ANKS3: variants seen among roughly 807,000 people sequenced by gnomAD.
ANKS3 encodes the protein ankyrin repeat and SAM domain-containing protein 3.
In ANKS3, 62 loss-of-function variants were observed where a neutral mutation model predicts 80.7. The ratio of observed to expected loss-of-function variants is 0.77; its 90% CI spans 0.63 to 0.95. The LOEUF (loss-of-function observed/expected upper bound fraction) is 0.95. ANKS3 is among the 40% of genes least tolerant of loss of function. ANKS3 has a pLI of 0.00. For synonymous variants in ANKS3, 489 were observed against 355.3 expected (o/e 1.38, Z -4.23); for missense variants, 1,150 against 883.6 (o/e 1.30, Z -3.82).
intron 8 of ANKS3, among the ~76,000 whole-genome samples, chr16:4,704,866 G>C (rs1297010553): frequency 6.6e-6 from 1 of 152,168 alleles, no homozygotes; most frequent in African/African-American, 2.4e-5. Context: ...CAACGAAAAG[G>C]AAACTCCAGG....
At chr16:4,696,936 TG>T in intron 17 of ANKS3, 40 bp from the exon 18 acceptor site, 1 of 1,287,388 alleles carries the variant, frequency 7.8e-7, no homozygotes, top group South Asian at 1.2e-5. Context: ...GGGGGACAGG[TG>T]GGTGCATACC....
chr16:4,730,385 G>C (rs2142170431), intron 2 of ANKS3: 2 of 376,304 alleles, frequency 5.3e-6, no homozygotes, highest in South Asian at 1.2e-4. Flanking sequence ...AGCACATATG[G>C]TGAGGCATTA....
chr16:4,701,445 C>G lies in ANKS3; in HGVS notation c.1108G>C (p.Glu370Gln). The G allele has an allele frequency of 6.2e-7, 1 of 1,606,368 alleles. No homozygotes were observed. The highest frequency in any genetic ancestry group is 8.5e-7 in the Non-Finnish European group (1 of 1,175,334). Residue 370 changes from glutamate to glutamine, a missense_variant, in exon 10 of 18, where the codon GAG becomes CAG. By Grantham distance (29) the Glu-to-Gln change is conservative. Transcript: ENST00000304283. ...GAAAGAATCCGTACCTCGTTGCTCT[C>G]CACAGAAGCTTCGCTGCTGAGCCCC... ...AQGLSSEASV[E>Q]SNEDSDHACK...
In ANKS3 at chr16:4,698,014, AG is replaced by A. The variant is rs764190334; in HGVS notation, c.1772del (p.Pro591LeufsTer8). Reference sequence around the variant, plus strand: ...CGGCTAGGCCCAGAGTGGCTGCACCAGGGGGCTGGTCCTGCCTCACTCGAGA... The same window carrying A: ...CGGCTAGGCCCAGAGTGGCTGCACCAGGGGCTGGTCCTGCCTCACTCGAGA... ...LSSRVRQDQP[P>X]GAATLGLAVP... On this transcript the variant is annotated frameshift_variant, in exon 15 of 18. Coordinates refer to ENST00000304283, the MANE Select transcript of ANKS3 (RefSeq NM_133450.4). LOFTEE classifies it high-confidence loss of function. 2.5e-6 allele frequency: 4 copies of A among 1,607,246 alleles called. No homozygotes were observed. The highest frequency in any genetic ancestry group is 1.7e-5 in the Admixed American group (1 of 59,262).
chr16:4,710,963 A>G (rs1015482210), intron 7 of ANKS3, among the ~76,000 whole-genome samples: 1 of 149,742 alleles, frequency 6.7e-6, no homozygotes, highest in African/African-American at 2.5e-5. Context: ...TTATTTTTGT[A>G]TTTTTAGTGG....
chr16:4,697,154 G>A (rs1181277626), intron 16 of ANKS3, 50 bp from the exon 17 acceptor site: 1 of 1,595,190 alleles, frequency 6.3e-7, no homozygotes, highest in Non-Finnish European at 8.6e-7. Context: ...AGGAGGGCTG[G>A]GTGGTGCTGC....
chr16:4,721,781 G>A (rs1195197984), intron 6 of ANKS3, among the ~76,000 whole-genome samples: 3 of 151,148 alleles, frequency 2.0e-5, no homozygotes, highest in African/African-American at 7.2e-5. Flanking sequence ...TGGGATTACA[G>A]CGTCAGCCAC....
At chr16:4,727,198 C>G (rs1238470078) in intron 3 of ANKS3, 21 bp from the exon 4 acceptor site, 2 of 1,611,682 alleles carry the variant, frequency 1.2e-6, no homozygotes, top group Non-Finnish European at 1.7e-6. Context: ...GCAAGATATG[C>G]TAGACATGGC....
intron 4 of ANKS3, 54 bp from the exon 5 acceptor site, chr16:4,726,834 G>A: frequency 6.2e-7 from 1 of 1,600,828 alleles, no homozygotes; most frequent in Non-Finnish European, 8.5e-7. Flanking sequence ...GCGTGGGGCG[G>A]GCGCCCTCCA....
intron 8 of ANKS3, among the ~76,000 whole-genome samples, chr16:4,702,859 C>G (rs990265950): frequency 2.6e-5 from 4 of 152,082 alleles, no homozygotes; most frequent in African/African-American, 9.7e-5. Flanking sequence ...CTGACTTGAC[C>G]AGTCACGGTG....
chr16:4,734,031 G>T lies in ANKS3; in HGVS notation c.-164C>A. 1.0e-6 allele frequency: 1 copy of T among 984,730 alleles called. No homozygotes were observed. Among genetic ancestry groups the T allele is most frequent in the Non-Finnish European group, 1.2e-6 (1 of 829,256 alleles). The allele number at this position is 984,730 out of a possible 1,614,324, so 61.0% of individuals were successfully genotyped here. On this transcript the variant is annotated 5_prime_UTR_variant, in exon 1 of 18. Coordinates refer to ENST00000304283, the MANE Select transcript of ANKS3 (RefSeq NM_133450.4). Reference sequence around the variant, plus strand: ...TGTGCCCCCACCACAACCACATAAAGAAAATGTGGGGGCTCGGTCCTCCAG... The same window carrying T: ...TGTGCCCCCACCACAACCACATAAATAAAATGTGGGGGCTCGGTCCTCCAG...
intron 7 of ANKS3, among the ~76,000 whole-genome samples, chr16:4,706,340 C>A (rs554259645): frequency 6.2e-4 from 94 of 152,260 alleles, no homozygotes; most frequent in African/African-American, 2.2e-3. Flanking sequence ...ACGCCACTCT[C>A]CTGCCTCAGG....
At chr16:4,720,410 C>T (rs570438953) in intron 6 of ANKS3, among the ~76,000 whole-genome samples, 21 of 148,740 alleles carry the variant, frequency 1.4e-4, no homozygotes, top group African/African-American at 4.7e-4. Flanking sequence ...TGCAGTGAGC[C>T]GAGATCGCGC....
At chr16:4,730,220 C>A (rs1323314034) in intron 2 of ANKS3, 69 bp from the exon 3 acceptor site, 28 of 1,374,100 alleles carry the variant, frequency 2.0e-5, no homozygotes, top group Admixed American at 2.8e-5. Context: ...CAGGCTGGTC[C>A]TGCCCCTGCT....
intron 7 of ANKS3, among the ~76,000 whole-genome samples, chr16:4,706,029 T>C (rs1209314238): frequency 2.6e-5 from 4 of 151,470 alleles, no homozygotes; most frequent in Admixed American, 2.0e-4. Context: ...TCCCGAGTAG[T>C]TGGGAATTAT....
rs1166140857 is a variant in ANKS3, at chr16:4,720,471, AAAG to A, written c.573+4276_573+4278del. On this transcript the variant is annotated intron_variant, in intron 6 of 17. Coordinates refer to ENST00000304283, the MANE Select transcript of ANKS3 (RefSeq NM_133450.4). ...AGAGAGACTCCATCTCAAAAAAAAA[AAAG>A]AAGTCTAACACCCTAAGGGGAGGGG... Among the ~76,000 whole-genome samples the A allele has an allele frequency of 4.7e-5, 7 of 150,422 alleles. No individual in the cohort carries two copies. In the Admixed American group the frequency reaches 4.7e-4, roughly 10 times the overall value.
chr16:4,723,066 T>G (rs1017616890), intron 6 of ANKS3, among the ~76,000 whole-genome samples: 3 of 152,220 alleles, frequency 2.0e-5, no homozygotes, highest in Admixed American at 2.0e-4. Flanking sequence ...ATGGACACCT[T>G]TGTCTATGAC....
intron 8 of ANKS3, among the ~76,000 whole-genome samples, chr16:4,704,765 C>A (rs748679413): frequency 6.6e-6 from 1 of 152,250 alleles, no homozygotes; most frequent in Non-Finnish European, 1.5e-5. Context: ...TGCCTCCTCC[C>A]TGTATGAGCC....
chr16:4,713,637 A>G (rs1428057990), intron 7 of ANKS3, among the ~76,000 whole-genome samples: 1 of 152,232 alleles, frequency 6.6e-6, no homozygotes, highest in Non-Finnish European at 1.5e-5. Context: ...ACAACAACAC[A>G]AAGATATAGT....
Sources: gnomAD v4.1 joint callset for allele counts (sites outside exome capture counted in the v4.1 genomes callset) on GRCh38, gnomAD v4.1.1 for gene constraint, MANE v1.5 for transcripts, NCBI Gene and HGNC (gene_info 2026-07-23, HGNC 2026-07-21) for gene names.